Variants in SPATA31H1 observed in about 807,000 individuals in gnomAD.
SPATA31H1 encodes the protein spermatogenesis-associated protein 31H1.
At chr2:27,579,248 G>A in the SPATA31H1 span, 1 of 1,614,170 alleles carries the variant, frequency 6.2e-7, no homozygotes, top group East Asian at 2.2e-5. Flanking sequence ...TCTCCACTAT[G>A]CTAATGCTGG....
chr2:27,580,918 C>T, the SPATA31H1 span: 1 of 1,614,190 alleles, frequency 6.2e-7, no homozygotes, highest in South Asian at 1.1e-5. Context: ...TCTTTCCAAC[C>T]CAGACCTCTT....
chr2:27,561,876 T>A, the SPATA31H1 span, among the ~76,000 whole-genome samples: 10 of 152,318 alleles, frequency 6.6e-5, no homozygotes, highest in African/African-American at 2.4e-4. Context: ...CTTTTTGTAT[T>A]TTTTTGTAGA....
the SPATA31H1 span, among the ~76,000 whole-genome samples, chr2:27,547,177 CTTTT>C: frequency 7.3e-6 from 1 of 137,880 alleles, no homozygotes; most frequent in Non-Finnish European, 1.6e-5. Context: ...CAACTTTGAT[CTTTT>C]TTTTTTTTTT....
At chr2:27,557,921 C>T in the SPATA31H1 span, among the ~76,000 whole-genome samples, 4 of 18,554 alleles carry the variant, frequency 2.2e-4, no homozygotes, top group Non-Finnish European at 3.9e-4. Flanking sequence ...GGGCTGACCC[C>T]CCCACCTCCC....
At chr2:27,569,707 T>C in the SPATA31H1 span, 1 of 398,788 alleles carries the variant, frequency 2.5e-6, no homozygotes, top group Non-Finnish European at 4.4e-6. Flanking sequence ...GAGGAGATGA[T>C]GCCAGAGCTA....
At chr2:27,580,536 T>G in the SPATA31H1 span, 1 of 1,614,120 alleles carries the variant, frequency 6.2e-7, no homozygotes, top group Non-Finnish European at 8.5e-7. Context: ...AGCAGCCCAT[T>G]TAAGAAGGAA....
At chr2:27,578,038 C>G in the SPATA31H1 span, 1 of 1,614,106 alleles carries the variant, frequency 6.2e-7, no homozygotes, top group Non-Finnish European at 8.5e-7. Flanking sequence ...ACAGAATCTG[C>G]AAGGACACAG....
chr2:27,576,146 G>C, the SPATA31H1 span: 38 of 403,200 alleles, frequency 9.4e-5, no homozygotes, highest in South Asian at 1.1e-3. Flanking sequence ...GCAAACTTGC[G>C]CCACACTTGC....
the SPATA31H1 span, chr2:27,578,260 T>C: frequency 4.4e-3 from 7,113 of 1,614,158 alleles, 280 homozygotes; most frequent in African/African-American, 0.085. Context: ...TTGCAAGATG[T>C]GAAATCTACA....
At chr2:27,575,939 G>T in the SPATA31H1 span, 7 of 398,338 alleles carry the variant, frequency 1.8e-5, no homozygotes, top group East Asian at 2.5e-4. This position sits in a 1 kb window ranked among gnomAD's most constrained non-coding sequence, Gnocchi z 4.1. Flanking sequence ...TGAACCCAGG[G>T]ACAGAAATTC....
the SPATA31H1 span, among the ~76,000 whole-genome samples, chr2:27,554,945 A>G: frequency 6.6e-6 from 1 of 151,982 alleles, no homozygotes; most frequent in Non-Finnish European, 1.5e-5. Flanking sequence ...ATCACTTCCC[A>G]AAGGCCTCAT....
At chr2:27,574,631 C>T in the SPATA31H1 span, 33 of 398,304 alleles carry the variant, frequency 8.3e-5, no homozygotes, top group Middle Eastern at 6.3e-4. Context: ...AGACACAAAG[C>T]GAAAAATCTT....
the SPATA31H1 span, chr2:27,566,114 C>A: frequency 1.4e-6 from 1 of 717,496 alleles, no homozygotes; most frequent in East Asian, 2.7e-5. Context: ...TAAAGCCTGT[C>A]TTCAGCCTAT....
At chr2:27,576,524 T>G in the SPATA31H1 span, 1 of 1,429,644 alleles carries the variant, frequency 7.0e-7, no homozygotes. Context: ...CACAATGCGT[T>G]AAATCTGTGG....
chr2:27,562,967 A>G, the SPATA31H1 span, among the ~76,000 whole-genome samples: 5 of 151,346 alleles, frequency 3.3e-5, no homozygotes, highest in Non-Finnish European at 7.4e-5. Context: ...CTATCTCTCC[A>G]TTTATTCAGA....
the SPATA31H1 span, among the ~76,000 whole-genome samples, chr2:27,558,922 GGGGA>G: frequency 1.5e-5 from 1 of 65,912 alleles, no homozygotes; most frequent in Non-Finnish European, 2.8e-5. Context: ...GGAGAGGGAG[GGGGA>G]GGGAGAGGGA....
the SPATA31H1 span, among the ~76,000 whole-genome samples, chr2:27,553,940 A>G: frequency 6.6e-6 from 1 of 151,996 alleles, no homozygotes; most frequent in African/African-American, 2.4e-5. Context: ...AAGAAAAGAA[A>G]TCTCATTAGC....
chr2:27,552,376 A>G, the SPATA31H1 span, among the ~76,000 whole-genome samples: 1 of 151,856 alleles, frequency 6.6e-6, no homozygotes. Flanking sequence ...TGGTCTTGTT[A>G]CCCTTATAGA....
the SPATA31H1 span, chr2:27,581,346 A>T: frequency 1.2e-6 from 2 of 1,612,142 alleles, no homozygotes; most frequent in Non-Finnish European, 1.7e-6. Flanking sequence ...GAGCCACTGC[A>T]GTCCCTCTAG....
Sources: gnomAD v4.1 joint callset for allele counts (sites outside exome capture counted in the v4.1 genomes callset) on GRCh38, gnomAD v4.1.1 for gene constraint, Gnocchi (gnomAD v3.1) non-coding constraint, MANE v1.5 for transcripts, NCBI Gene and HGNC (gene_info 2026-07-23, HGNC 2026-07-21) for gene names.